MIOS: variants seen among roughly 807,000 people sequenced by gnomAD.
The protein encoded by MIOS is GATOR2 complex protein MIOS.
MIOS carries 52 observed loss-of-function variants against 96.9 expected under a neutral mutation model. That is an observed-to-expected ratio of 0.54 (90% CI 0.43 to 0.68). The LOEUF is 0.68. Ranked by LOEUF, MIOS falls within the 30% of genes least tolerant of loss-of-function variation. The pLI, the probability that MIOS is intolerant of heterozygous loss-of-function variation, is 0.00. For missense variants in MIOS, 1,005 were observed against 1,052.8 expected, an observed-to-expected ratio of 0.95 and a Z score of 0.63; for synonymous variants, 397 against 359.5, an observed-to-expected ratio of 1.10 and a Z score of -1.18.
intron 7 of MIOS, among the ~76,000 whole-genome samples, chr7:7,587,766 G>T (rs761512311): frequency 2.0e-5 from 3 of 151,930 alleles, no homozygotes; most frequent in Non-Finnish European, 2.9e-5. Flanking sequence ...GTGATCTTAC[G>T]GTTAAAAAAG....
chr7:7,573,650 C>A lies in MIOS; in HGVS notation c.1175C>A (p.Thr392Lys), dbSNP rs201758638. ...NDNSLEKDIA[T>K]KMRLRALSRY... ...AATTCTTTAGAAAAAGATATAGCAA[C>A]GAAGATGCGTCTTCGGGCTTTATCA... is the stretch of plus-strand genomic sequence containing the variant. Residue 392 changes from threonine (T) to lysine (K), a missense_variant, in exon 4 of 13, where the codon ACG (threonine) becomes AAG (lysine). Physicochemically the swap from Thr to Lys is moderately conservative, Grantham distance 78. Around this residue, in one of 3 missense-constraint regions of MIOS, gnomAD observed 865 missense variants for 887.9 expected, o/e 0.97. Coordinates refer to ENST00000340080, the MANE Select transcript of MIOS (RefSeq NM_019005.4). This position sits in a 1 kb window ranked among gnomAD's most constrained non-coding sequence, Gnocchi z 5.0. 1 of 1,613,946 alleles carries A rather than the reference C, an allele frequency of 6.2e-7. No homozygotes were observed. Among genetic ancestry groups the A allele is most frequent in the South Asian group, 1.1e-5 (1 of 91,072 alleles).
chr7:7,578,037 T>G (rs888368535), intron 5 of MIOS, among the ~76,000 whole-genome samples: 1 of 152,126 alleles, frequency 6.6e-6, no homozygotes, highest in Non-Finnish European at 1.5e-5. Flanking sequence ...GTGAAAAATA[T>G]AAGGAAGTGA....
At chr7:7,586,286 A>C (rs1583640208) in intron 7 of MIOS, among the ~76,000 whole-genome samples, 1 of 152,068 alleles carries the variant, frequency 6.6e-6, no homozygotes, top group South Asian at 2.1e-4. Flanking sequence ...TCCTGTTAGG[A>C]ATGATAACAG....
intron 11 of MIOS, among the ~76,000 whole-genome samples, chr7:7,598,955 A>G (rs1322080542): frequency 2.0e-5 from 3 of 152,006 alleles, no homozygotes. Context: ...TATATAATAC[A>G]TATTTGAACA....
intron 7 of MIOS, among the ~76,000 whole-genome samples, chr7:7,586,420 A>T (rs954234626): frequency 1.3e-5 from 2 of 152,222 alleles, no homozygotes; most frequent in Non-Finnish European, 2.9e-5. Flanking sequence ...GGGGAAAGAA[A>T]GAATGAAGTG....
At chr7:7,577,537 G>A (rs1483025291) in intron 5 of MIOS, among the ~76,000 whole-genome samples, 1 of 152,186 alleles carries the variant, frequency 6.6e-6, no homozygotes, top group Non-Finnish European at 1.5e-5. Context: ...ATTTAAGCAT[G>A]TTTAAATGCT....
At chr7:7,589,700 A>C in intron 9 of MIOS, 137 bp downstream of exon 9, 1 of 884,292 alleles carries the variant, frequency 1.1e-6, no homozygotes, top group Non-Finnish European at 1.7e-6. Flanking sequence ...CAGTTGATCT[A>C]CTGAAGACTT....
intron 6 of MIOS, 127 bp downstream of exon 6, chr7:7,583,499 T>C: frequency 2.7e-6 from 3 of 1,119,666 alleles, no homozygotes; most frequent in Non-Finnish European, 3.6e-6. Flanking sequence ...TAATTTTTGT[T>C]GGAGGAGAAA....
Position 7,573,985 on chromosome 7 carries a change from T to G in MIOS, c.1295-113T>G, listed in dbSNP as rs1327065360. On this transcript the variant is annotated intron_variant, in intron 4 of 12. Transcript: ENST00000340080. The surrounding 1 kb of genome is among the most constrained non-coding windows in gnomAD (Gnocchi z 5.0). Reference sequence around the variant, plus strand: ...AGAAAAGTGTATCTCTGCAATAGAGTCGAACCACCTTATTTACACTGATAC... The same window carrying G: ...AGAAAAGTGTATCTCTGCAATAGAGGCGAACCACCTTATTTACACTGATAC... 4 of 934,870 alleles carry G rather than the reference T, an allele frequency of 4.3e-6. No individual in the cohort carries two copies. The highest frequency in any genetic ancestry group is 6.3e-6 in the Non-Finnish European group (4 of 635,590). 57.9% of individuals were successfully genotyped at this position (934,870 alleles called of 1,614,324 possible).
chr7:7,607,145 C>T lies in MIOS; in HGVS notation c.*53C>T. On this transcript the variant is annotated 3_prime_UTR_variant, in exon 13 of 13. Transcript: ENST00000340080. Reference sequence around the variant, plus strand: ...AAGTGTGGAGCTTTCTAGTAGGTGTCCTTCATAGCTCAGAAACATACCTCA... The same window carrying T: ...AAGTGTGGAGCTTTCTAGTAGGTGTTCTTCATAGCTCAGAAACATACCTCA... The T allele has an allele frequency of 7.3e-7, 1 of 1,365,268 alleles. No homozygotes were observed. Among genetic ancestry groups the T allele is most frequent in the Non-Finnish European group, 1.0e-6 (1 of 974,462 alleles). 84.6% of individuals were successfully genotyped at this position (1,365,268 alleles called of 1,614,324 possible).
rs1245363389 is a variant in MIOS at position 7,576,321 on chromosome 7, T to C, written c.1393+2125T>C. 2.0e-5 allele frequency among the ~76,000 whole-genome samples: 3 copies of C among 152,352 alleles called. No homozygotes were observed. The East Asian group carries it at 5.8e-4, about 29-fold the overall frequency. ...CATAAATCTCTTCCCTCATGGAGAT[T>C]GAGCAGGATCAATGTCATCCCTGCT... On this transcript the variant is annotated intron_variant, in intron 5 of 12. Coordinates refer to ENST00000340080, the MANE Select transcript of MIOS (RefSeq NM_019005.4).
At chr7:7,603,893 T>C (rs1784449893) in intron 11 of MIOS, among the ~76,000 whole-genome samples, 1 of 151,670 alleles carries the variant, frequency 6.6e-6, no homozygotes, top group Non-Finnish European at 1.5e-5. Flanking sequence ...TAAAAAATGA[T>C]GAGTTCATGT....
chr7:7,575,074 A>T (rs898846690), intron 5 of MIOS, among the ~76,000 whole-genome samples: 1 of 152,014 alleles, frequency 6.6e-6, no homozygotes, highest in African/African-American at 2.4e-5. Flanking sequence ...CAGATTTGGG[A>T]TGCTCACCCT....
rs1326793535 is a variant in MIOS, at chr7:7,572,817, AC to A, written c.343del (p.Gln115AsnfsTer15). ...GKEFVPKHAR[Q>X]CNTLAWNPLD... ...AAGAGTTTGTTCCAAAACATGCACGACAATGTAATACCCTTGCCTGGAATCC... is the reference window on the plus strand; with the variant it reads ...AAGAGTTTGTTCCAAAACATGCACGAAATGTAATACCCTTGCCTGGAATCC... On this transcript the variant is annotated frameshift_variant, in exon 4 of 13. Coordinates refer to ENST00000340080, the MANE Select transcript of MIOS (RefSeq NM_019005.4). LOFTEE classifies it high-confidence loss of function. This position sits in a 1 kb window ranked among gnomAD's most constrained non-coding sequence, Gnocchi z 4.8. 1 of 1,614,056 alleles carries A rather than the reference AC, an allele frequency of 6.2e-7. No individual in the cohort carries two copies. Among genetic ancestry groups the A allele is most frequent in the Non-Finnish European group, 8.5e-7 (1 of 1,180,014 alleles).
chr7:7,597,200 C>T (rs912370115), intron 11 of MIOS, among the ~76,000 whole-genome samples: 3 of 151,600 alleles, frequency 2.0e-5, no homozygotes, highest in African/African-American at 7.3e-5. Context: ...GTGGCACACA[C>T]CTGTAGTCCC....
At chr7:7,578,307 C>T (rs1433208523) in intron 5 of MIOS, among the ~76,000 whole-genome samples, 2 of 152,130 alleles carry the variant, frequency 1.3e-5, no homozygotes, top group African/African-American at 4.8e-5. Flanking sequence ...GGTATAATTC[C>T]TTCCTTTTAA....
At chr7:7,604,982 C>A (rs888762028) in intron 11 of MIOS, 4 of 152,134 alleles carry the variant, frequency 2.6e-5, no homozygotes, top group African/African-American at 9.7e-5. Context: ...AGTGTGTTTA[C>A]ATCTTTAATC....
chr7:7,572,455 C>T lies in MIOS; in HGVS notation c.-21C>T. The T allele has an allele frequency of 1.3e-6, 2 of 1,575,718 alleles. No homozygotes were observed. Among genetic ancestry groups the T allele is most frequent in the African/African-American group, 1.4e-5 (1 of 73,810 alleles). On this transcript the variant is annotated 5_prime_UTR_variant, in exon 4 of 13. Transcript: ENST00000340080. This position sits in a 1 kb window ranked among gnomAD's most constrained non-coding sequence, Gnocchi z 4.8. ...TTTCAGTGAATGGACCTGAGTGGACCCTTTGATCACATCAGTAAACATGAG... is the reference window on the plus strand; with the variant it reads ...TTTCAGTGAATGGACCTGAGTGGACTCTTTGATCACATCAGTAAACATGAG...
chr7:7,593,052 G>C (rs1383871057), intron 9 of MIOS, among the ~76,000 whole-genome samples: 5 of 152,286 alleles, frequency 3.3e-5, no homozygotes, highest in African/African-American at 4.8e-5. Context: ...TATTGGAGAG[G>C]ATCTAGAGAA....
Sources: allele counts gnomAD v4.1 joint callset (sites outside exome capture counted in the v4.1 genomes callset), GRCh38; gene constraint gnomAD v4.1.1; regional missense constraint gnomAD v4.1.1; non-coding constraint Gnocchi (gnomAD v3.1); transcripts MANE v1.5; gene names NCBI Gene and HGNC (gene_info 2026-07-23, HGNC 2026-07-21).